CFAP95: variants seen among roughly 807,000 people sequenced by gnomAD.
The protein encoded by CFAP95 is cilia- and flagella-associated protein 95.
chr9:69,862,153 T>C, the CFAP95 span, among the ~76,000 whole-genome samples: 1 of 152,236 alleles, frequency 6.6e-6, no homozygotes, highest in Non-Finnish European at 1.5e-5. Context: ...ATAGATTAAT[T>C]ATTTCTGATG....
At chr9:69,826,181 T>C in the CFAP95 span, among the ~76,000 whole-genome samples, 26 of 152,050 alleles carry the variant, frequency 1.7e-4, no homozygotes, top group Middle Eastern at 3.2e-3. Flanking sequence ...TCTTCAGACT[T>C]CCCCCCACCC....
the CFAP95 span, among the ~76,000 whole-genome samples, chr9:69,874,191 A>AT: frequency 0.63 from 95,452 of 151,970 alleles, 30,333 homozygotes; most frequent in East Asian, 0.82. Flanking sequence ...TATCTGACAC[A>AT]TGGAGATCAA....
the CFAP95 span, among the ~76,000 whole-genome samples, chr9:69,832,493 A>G: frequency 1.3e-5 from 2 of 152,114 alleles, no homozygotes; most frequent in African/African-American, 2.4e-5. Flanking sequence ...GTCAAGGTGT[A>G]CCAAATGTCC....
chr9:69,877,357 A>T, the CFAP95 span, among the ~76,000 whole-genome samples: 33 of 152,334 alleles, frequency 2.2e-4, no homozygotes, highest in South Asian at 6.6e-3. Context: ...CAAGTTCTAC[A>T]AAACACCTTA....
the CFAP95 span, among the ~76,000 whole-genome samples, chr9:69,858,589 A>G: frequency 7.2e-5 from 11 of 152,344 alleles, no homozygotes; most frequent in African/African-American, 1.7e-4. Context: ...GTTGTTGGTC[A>G]TAAATTCAAA....
At chr9:69,836,450 G>C in the CFAP95 span, among the ~76,000 whole-genome samples, 1 of 152,106 alleles carries the variant, frequency 6.6e-6, no homozygotes, top group Non-Finnish European at 1.5e-5. Flanking sequence ...ATGTCTCCAG[G>C]CATGGCCAAA....
At chr9:69,830,693 A>T in the CFAP95 span, among the ~76,000 whole-genome samples, 66 of 152,320 alleles carry the variant, frequency 4.3e-4, no homozygotes, top group African/African-American at 1.6e-3. Flanking sequence ...TGTCACCCAG[A>T]TTGGAGTGCA....
the CFAP95 span, among the ~76,000 whole-genome samples, chr9:69,860,596 T>A: frequency 9.0e-6 from 1 of 110,690 alleles, no homozygotes; most frequent in Non-Finnish European, 1.8e-5. Context: ...TTTTACTTTA[T>A]ACCTTTTCTT....
chr9:69,877,113 T>C, the CFAP95 span, among the ~76,000 whole-genome samples: 33,354 of 152,146 alleles, frequency 0.22, 4,233 homozygotes, highest in Non-Finnish European at 0.27. Flanking sequence ...ATATACGTAA[T>C]ATACATGTAA....
the CFAP95 span, among the ~76,000 whole-genome samples, chr9:69,822,683 A>G: frequency 2.0e-5 from 3 of 152,334 alleles, no homozygotes; most frequent in African/African-American, 7.2e-5. Flanking sequence ...TGAAAATTGC[A>G]TTGTGAAAGT....
the CFAP95 span, among the ~76,000 whole-genome samples, chr9:69,888,664 T>C: frequency 6.6e-6 from 1 of 152,138 alleles, no homozygotes; most frequent in Non-Finnish European, 1.5e-5. Flanking sequence ...TCACTTGAGG[T>C]CAGACATTTG....
At chr9:69,856,766 A>C in the CFAP95 span, 1 of 698,346 alleles carries the variant, frequency 1.4e-6, no homozygotes. Flanking sequence ...CCAGTTCCAC[A>C]CTAAAGGAAC....
At chr9:69,828,404 C>T in the CFAP95 span, among the ~76,000 whole-genome samples, 1 of 152,196 alleles carries the variant, frequency 6.6e-6, no homozygotes. Flanking sequence ...AGGTTGGGCA[C>T]AGTAGCTCAC....
At chr9:69,857,556 G>A in the CFAP95 span, among the ~76,000 whole-genome samples, 6 of 152,154 alleles carry the variant, frequency 3.9e-5, no homozygotes, top group South Asian at 2.1e-4. Context: ...CTGGAGTCTT[G>A]CTCTGCTGCC....
chr9:69,851,557 C>T, the CFAP95 span, among the ~76,000 whole-genome samples: 1 of 152,056 alleles, frequency 6.6e-6, no homozygotes, highest in Non-Finnish European at 1.5e-5. Context: ...TTCCTTTCCC[C>T]CAGACAACTA....
the CFAP95 span, among the ~76,000 whole-genome samples, chr9:69,843,549 CTCCTCCTCCTTCTTCTTCTTCTTCT>C: frequency 1.7e-4 from 4 of 23,498 alleles, no homozygotes; most frequent in Non-Finnish European, 3.7e-4. Context: ...CCTCCTCCTC[CTCCTCCTCCTTCTTCTTCTTCTTCT>C]TCTTCTTCTT....
chr9:69,829,679 T>C, the CFAP95 span, among the ~76,000 whole-genome samples: 1 of 152,190 alleles, frequency 6.6e-6, no homozygotes, highest in Non-Finnish European at 1.5e-5. Flanking sequence ...CTTGTTTTCT[T>C]TTACCTTACT....
chr9:69,900,298 T>C, the CFAP95 span, among the ~76,000 whole-genome samples: 2 of 151,872 alleles, frequency 1.3e-5, no homozygotes, highest in Non-Finnish European at 2.9e-5. Context: ...ATGAGCAGAG[T>C]GGGTTGTTTG....
chr9:69,866,693 G>C, the CFAP95 span, among the ~76,000 whole-genome samples: 1 of 152,206 alleles, frequency 6.6e-6, no homozygotes, highest in Non-Finnish European at 1.5e-5. Flanking sequence ...GGCTATCTGG[G>C]CATTCTTTGG....
Sources: gnomAD v4.1 joint callset for allele counts (sites outside exome capture counted in the v4.1 genomes callset) on GRCh38, gnomAD v4.1.1 for gene constraint, MANE v1.5 for transcripts, NCBI Gene and HGNC (gene_info 2026-07-23, HGNC 2026-07-21) for gene names.